Variants in NRXN1 observed in about 807,000 individuals in gnomAD.
The protein encoded by NRXN1 is neurexin 1.
Under a neutral mutation model 150.9 loss-of-function variants are expected in NRXN1, and 39 were observed. The ratio of observed to expected loss-of-function variants is 0.26; its 90% CI spans 0.20 to 0.34. The LOEUF (loss-of-function observed/expected upper bound fraction) is 0.34, where lower values mean the gene tolerates loss of function less well. Ranked by LOEUF, NRXN1 falls within the 10% of genes least tolerant of loss-of-function variation. NRXN1 has a pLI of 1.00. For synonymous variants in NRXN1, 924 were observed against 757.0 expected (o/e 1.22, Z -3.62); for missense variants, 1,815 against 1,949.9 (o/e 0.93, Z 1.30).
intron 19 of NRXN1, among the ~76,000 whole-genome samples, chr2:50,084,448 C>A (rs947487044): frequency 6.6e-6 from 1 of 152,188 alleles, no homozygotes; most frequent in Non-Finnish European, 1.5e-5. Flanking sequence ...ATCTGCTGGC[C>A]CTGGTGCTAA....
At chr2:49,976,706 A>G (rs1237126131) in intron 21 of NRXN1, among the ~76,000 whole-genome samples, 1 of 152,308 alleles carries the variant, frequency 6.6e-6, no homozygotes, top group East Asian at 1.9e-4. Context: ...TTCACATCTC[A>G]TATCAACTTG....
intron 8 of NRXN1, among the ~76,000 whole-genome samples, chr2:50,585,006 G>T (rs1235615366): frequency 6.6e-6 from 1 of 151,850 alleles, no homozygotes; most frequent in Non-Finnish European, 1.5e-5. Context: ...TGCACACAAA[G>T]TTTTTTTTCA....
chr2:50,678,349 C>T (rs1028709229), intron 5 of NRXN1, among the ~76,000 whole-genome samples: 22 of 152,154 alleles, frequency 1.4e-4, no homozygotes, highest in African/African-American at 5.3e-4. Flanking sequence ...AGATTAATCC[C>T]ATGGTTTGTT....
intron 18 of NRXN1, among the ~76,000 whole-genome samples, chr2:50,196,004 G>C (rs916617676): frequency 6.6e-6 from 1 of 151,870 alleles, no homozygotes; most frequent in African/African-American, 2.4e-5. Flanking sequence ...TACATGCACA[G>C]GATGTGCAGG....
chr2:51,021,107 C>CA (rs983678909), intron 2 of NRXN1, among the ~76,000 whole-genome samples: 2 of 151,532 alleles, frequency 1.3e-5, no homozygotes. Flanking sequence ...AAGTACACAA[C>CA]AAAAAAAGTA....
At chr2:50,580,553 C>G (rs1672109236) in intron 8 of NRXN1, among the ~76,000 whole-genome samples, 2 of 152,140 alleles carry the variant, frequency 1.3e-5, no homozygotes, top group Admixed American at 1.3e-4. Context: ...ACACTTCTGA[C>G]TCACCTAGTT....
intron 19 of NRXN1, among the ~76,000 whole-genome samples, chr2:50,087,099 C>A (rs1698898772): frequency 6.6e-6 from 1 of 152,114 alleles, no homozygotes; most frequent in Non-Finnish European, 1.5e-5. Context: ...TCTTACTGCA[C>A]CACTCACTTC....
chr2:50,768,501 C>T (rs1702619170), intron 5 of NRXN1, among the ~76,000 whole-genome samples: 1 of 151,280 alleles, frequency 6.6e-6, no homozygotes, highest in Admixed American at 6.6e-5. Context: ...GAGATGAGGT[C>T]TCACTATGTT....
At chr2:50,129,628 C>G (rs1213037929) in intron 18 of NRXN1, among the ~76,000 whole-genome samples, 2 of 152,078 alleles carry the variant, frequency 1.3e-5, no homozygotes, top group Admixed American at 6.5e-5. Flanking sequence ...TTTTAATGTA[C>G]AGGGCTATGA....
intron 22 of NRXN1, among the ~76,000 whole-genome samples, chr2:49,941,645 A>AG (rs1449998711): frequency 2.9e-4 from 44 of 152,312 alleles, no homozygotes; most frequent in Non-Finnish European, 1.5e-5. Context: ...AGAGGGATTC[A>AG]GCAAGTCCTG....
In NRXN1 at chr2:50,829,735, C is replaced by T; in HGVS notation, c.832+92134G>A. On this transcript the variant is annotated intron_variant, in intron 5 of 22. Transcript: ENST00000401669. ...AGAGCTCGCCCACGGTTGGCAGCGC[C>T]CAAGGTTGCACGGCATGGCCCGCTT... 3.8e-6 allele frequency: 6 copies of T among 1,586,720 alleles called. No individual in the cohort carries two copies. In the South Asian group the frequency reaches 6.8e-5, roughly 18 times the overall value.
At chr2:50,452,491 A>G (rs1268119480) in intron 17 of NRXN1, among the ~76,000 whole-genome samples, 1 of 152,214 alleles carries the variant, frequency 6.6e-6, no homozygotes, top group Non-Finnish European at 1.5e-5. Flanking sequence ...TCAAGGCCAC[A>G]TACTGGGATT....
At chr2:51,013,890 GTT>G (rs1035914894) in intron 2 of NRXN1, among the ~76,000 whole-genome samples, 1 of 151,942 alleles carries the variant, frequency 6.6e-6, no homozygotes, top group African/African-American at 2.4e-5. Context: ...TCTTTTTTCT[GTT>G]TGTCAGCTCA....
chr2:50,550,829 C>G (rs373691147), intron 9 of NRXN1, among the ~76,000 whole-genome samples: 1 of 151,626 alleles, frequency 6.6e-6, no homozygotes, highest in South Asian at 2.1e-4. Flanking sequence ...CTACAGGCAC[C>G]GCCACCACGC....
chr2:50,863,202 G>T (rs186752439), intron 5 of NRXN1, among the ~76,000 whole-genome samples: 33 of 152,092 alleles, frequency 2.2e-4, no homozygotes, highest in African/African-American at 7.5e-4. Flanking sequence ...AGTATTCAAA[G>T]AAAGAACAAT....
intron 12 of NRXN1, among the ~76,000 whole-genome samples, chr2:50,520,946 T>C (rs1250276438): frequency 6.6e-6 from 1 of 152,138 alleles, no homozygotes; most frequent in African/African-American, 2.4e-5. Context: ...TTAAGACATG[T>C]CATTACAGTA....
chr2:50,718,040 G>T (rs969060748), intron 5 of NRXN1, among the ~76,000 whole-genome samples: 5 of 152,220 alleles, frequency 3.3e-5, no homozygotes, highest in Admixed American at 6.5e-5. Context: ...ACTTTTCTCA[G>T]CCAGACAGAA....
intron 5 of NRXN1, among the ~76,000 whole-genome samples, chr2:50,698,034 T>C (rs1693184784): frequency 6.6e-6 from 1 of 152,230 alleles, no homozygotes; most frequent in South Asian, 2.1e-4. Context: ...TCTAATTTTC[T>C]TCATAACACC....
intron 21 of NRXN1, among the ~76,000 whole-genome samples, chr2:50,032,313 T>C (rs1043835324): frequency 2.0e-5 from 3 of 152,076 alleles, no homozygotes; most frequent in African/African-American, 4.8e-5. Context: ...ATATTTGACC[T>C]GAAACTTTCT....
Sources: gnomAD v4.1 joint callset for allele counts (sites outside exome capture counted in the v4.1 genomes callset) on GRCh38, gnomAD v4.1.1 for gene constraint, MANE v1.5 for transcripts, NCBI Gene and HGNC (gene_info 2026-07-23, HGNC 2026-07-21) for gene names.